Variants in PPIL2 observed in about 807,000 individuals in gnomAD.
The protein encoded by PPIL2 is RING-type E3 ubiquitin-protein ligase PPIL2.
Under a neutral mutation model 75.2 loss-of-function variants are expected in PPIL2, and 50 were observed. The observed-to-expected ratio is 0.66, with a 90% confidence interval of 0.53 to 0.84. The LOEUF is 0.84. Among genes scored for constraint, PPIL2 ranks in the 40% least tolerant of loss-of-function variants. PPIL2 has a pLI of 0.00. For missense variants in PPIL2, 590 were observed against 685.0 expected, an observed-to-expected ratio of 0.86 and a Z score of 1.55; for synonymous variants, 245 against 258.8, an observed-to-expected ratio of 0.95 and a Z score of 0.51.
chr22:21,677,415 C>T (rs1035131766), intron 6 of PPIL2, among the ~76,000 whole-genome samples: 10 of 152,360 alleles, frequency 6.6e-5, no homozygotes, highest in African/African-American at 2.4e-4. Context: ...ACATTGAGCA[C>T]TGAGTGAACG....
chr22:21,692,093 C>T (rs986053665), intron 15 of PPIL2, among the ~76,000 whole-genome samples: 1 of 152,126 alleles, frequency 6.6e-6, no homozygotes, highest in Non-Finnish European at 1.5e-5. Flanking sequence ...TGGCTCTGCC[C>T]TCTGAGGGCT....
chr22:21,675,080 C>G lies in PPIL2; in HGVS notation c.260C>G (p.Ser87Cys). 6.2e-7 allele frequency: 1 copy of G among 1,612,908 alleles called. No individual in the cohort carries two copies. The highest frequency in any genetic ancestry group is 8.5e-7 in the Non-Finnish European group (1 of 1,178,978). ...PSNGEKLDGR[S>C]LIKLNFSKNS... ...TTCTTCCAGAAGCTGGACGGGAGGT[C>G]CCTGATCAAGCTGAACTTTTCCAAG... The change falls in exon 6 of 20, where the codon TCC becomes TGC. Residue 87 changes from serine to cysteine, a missense_variant. Coordinates refer to ENST00000398831, the MANE Select transcript of PPIL2 (RefSeq NM_014337.4).
chr22:21,673,280 G>A (rs567664269), intron 5 of PPIL2, among the ~76,000 whole-genome samples: 13 of 152,302 alleles, frequency 8.5e-5, no homozygotes, highest in Admixed American at 3.9e-4. Context: ...CCCAAGGTCC[G>A]TGCCCCAGTC....
chr22:21,683,784 A>G (rs2067229569), intron 9 of PPIL2, among the ~76,000 whole-genome samples: 1 of 152,250 alleles, frequency 6.6e-6, no homozygotes, highest in South Asian at 2.1e-4. Flanking sequence ...CCCTCTCCAC[A>G]GGGTGGGCTG....
chr22:21,670,048 A>T, intron 2 of PPIL2, 86 bp downstream of exon 2: 1 of 1,350,424 alleles, frequency 7.4e-7, no homozygotes, highest in Admixed American at 1.7e-5. Context: ...GTAAAAATAG[A>T]CAACAAGAAC....
chr22:21,695,675 G>C lies in PPIL2; in HGVS notation c.*185G>C, dbSNP rs904998721. Reference sequence around the variant, plus strand: ...TTCCCATCCCTTAACCTGTTGCCAAGGGCCTTGGCCCTGTTTCCAGGACCT... The same window carrying C: ...TTCCCATCCCTTAACCTGTTGCCAACGGCCTTGGCCCTGTTTCCAGGACCT... On this transcript the variant is annotated 3_prime_UTR_variant, in exon 20 of 20. Coordinates refer to ENST00000398831, the MANE Select transcript of PPIL2 (RefSeq NM_014337.4). The C allele has an allele frequency of 2.8e-6, 4 of 1,404,622 alleles. No homozygotes were observed. Among genetic ancestry groups the C allele is most frequent in the Non-Finnish European group, 2.8e-6 (3 of 1,079,866 alleles). 87.0% of individuals were successfully genotyped at this position (1,404,622 alleles called of 1,614,324 possible). A position where few individuals can be genotyped will look rare whatever the true frequency, so the allele number is the denominator to read the frequency against.
At chr22:21,670,133 G>A in intron 2 of PPIL2, 171 bp downstream of exon 2, 1 of 876,174 alleles carries the variant, frequency 1.1e-6, no homozygotes, top group Non-Finnish European at 1.7e-6. Flanking sequence ...AGAAGAACCT[G>A]CTTCATCTTA....
chr22:21,669,042 G>C (rs554030642), intron 1 of PPIL2, among the ~76,000 whole-genome samples: 5 of 141,326 alleles, frequency 3.5e-5, no homozygotes, highest in Middle Eastern at 9.3e-3. Context: ...AGTAGAGACT[G>C]GTTTCACCGT....
downstream of PPIL2, chr22:21,699,846 A>T (rs1220880661): frequency 6.6e-6 from 1 of 152,568 alleles, no homozygotes; most frequent in Non-Finnish European, 1.5e-5. Flanking sequence ...CCTGACACCT[A>T]AGCTGCTGTC....
chr22:21,688,019 C>A, intron 13 of PPIL2, 54 bp from the exon 14 acceptor site: 1 of 1,610,078 alleles, frequency 6.2e-7, no homozygotes, highest in South Asian at 1.1e-5. Flanking sequence ...GTCAGGCAGG[C>A]GGTGGGCCTC....
chr22:21,670,329 G>A (rs1429080176), intron 2 of PPIL2: 1 of 1,505,298 alleles, frequency 6.6e-7, no homozygotes, highest in South Asian at 1.3e-5. Flanking sequence ...ACAATAACAA[G>A]AGCACTGTCA....
In PPIL2 at chr22:21,680,383, C is replaced by T. The variant is rs117482874; in HGVS notation, c.296-916C>T. On this transcript the variant is annotated intron_variant, in intron 6 of 19. Transcript: ENST00000398831. ...CTCTACTAAAAATACAAAAATTAGT[C>T]GTACATGGTGACGCATGCATGCCTG... Among the ~76,000 whole-genome samples the T allele has an allele frequency of 5.5e-4, 83 of 152,204 alleles. 1 individual carries two copies. The East Asian group carries it at 0.014, about 25-fold the overall frequency.
At position 21,693,857 on chromosome 22, in the gene PPIL2, A is replaced by C. The variant is rs1167822638; in HGVS notation, c.1181A>C (p.His394Pro). 2 of 1,545,712 alleles carry C rather than the reference A, an allele frequency of 1.3e-6. No individual in the cohort carries two copies. Among genetic ancestry groups the C allele is most frequent in the East Asian group, 2.2e-5 (1 of 44,530 alleles). Residue 394 changes from histidine (H) to proline (P), a missense_variant, in exon 16 of 20, where the codon CAT becomes CCT. Transcript: ENST00000398831. The part of the protein sequence containing the change: ...FRSCAYLDKK[H>P]TIFGRVVGGF... ...TCCTGTGCCTACCTGGACAAGAAGC[A>C]TACCATCTTTGGACGGTAAGGGAAG...
At chr22:21,688,163 G>A (rs966998559) in intron 14 of PPIL2, 57 bp downstream of exon 14, 9 of 1,603,284 alleles carry the variant, frequency 5.6e-6, no homozygotes, top group African/African-American at 5.4e-5. Flanking sequence ...TGGGGCATGA[G>A]GGGGTAGCTG....
chr22:21,681,410 C>G lies in PPIL2; in HGVS notation c.387+20C>G. 1 of 1,589,946 alleles carries G rather than the reference C, an allele frequency of 6.3e-7. No homozygotes were observed. Among genetic ancestry groups the G allele is most frequent in the Non-Finnish European group, 8.6e-7 (1 of 1,158,174 alleles). ...TATGAGGTGTGTCCTCGCTCCGGGG[C>G]GTGGAGACAGCGGTGGGGAGATCTC... On this transcript the variant is annotated intron_variant, in intron 7 of 19. Coordinates refer to ENST00000398831, the MANE Select transcript of PPIL2 (RefSeq NM_014337.4).
chr22:21,676,311 G>T (rs866971888), intron 6 of PPIL2, among the ~76,000 whole-genome samples: 10 of 141,292 alleles, frequency 7.1e-5, no homozygotes, highest in South Asian at 4.4e-4. Flanking sequence ...TATTTATTTT[G>T]TGTGTGTGTG....
Position 21,672,342 on chromosome 22 carries a change from A to C in PPIL2, c.204A>C (p.Pro68=). Residue 68 remains proline (P), a synonymous_variant, in exon 5 of 20, where the codon CCA becomes CCC. Coordinates refer to ENST00000398831, the MANE Select transcript of PPIL2 (RefSeq NM_014337.4). Reference sequence around the variant, plus strand: ...GTCTTCCCTTCAGGAACATTGTTCCATGGCTTAAGAAGTACGGGACCAACC... The same window carrying C: ...GTCTTCCCTTCAGGAACATTGTTCCCTGGCTTAAGAAGTACGGGACCAACC... The part of the protein sequence containing the change: ...GIVFDLLNIV[P]WLKKYGTNPS... The C allele has an allele frequency of 6.2e-7, 1 of 1,612,720 alleles. No homozygotes were observed. Among genetic ancestry groups the C allele is most frequent in the Non-Finnish European group, 8.5e-7 (1 of 1,178,712 alleles).
intron 1 of PPIL2, among the ~76,000 whole-genome samples, chr22:21,667,213 A>T (rs2066426415): frequency 6.9e-6 from 1 of 145,276 alleles, no homozygotes; most frequent in Non-Finnish European, 1.5e-5. Context: ...CTAGAGTGCA[A>T]TGGTGAGATC....
At chr22:21,670,297 A>G in intron 2 of PPIL2, 1 of 1,465,444 alleles carries the variant, frequency 6.8e-7, no homozygotes, top group Non-Finnish European at 9.1e-7. Context: ...TAATATTTTC[A>G]GCTGTCAAAA....
Sources: gnomAD v4.1 joint callset for allele counts (sites outside exome capture counted in the v4.1 genomes callset) on GRCh38, gnomAD v4.1.1 for gene constraint, MANE v1.5 for transcripts, NCBI Gene and HGNC (gene_info 2026-07-23, HGNC 2026-07-21) for gene names.